The following SP4 variants were observed in gnomAD, a reference collection of about 807,000 sequenced individuals.
SP4 encodes transcription factor Sp4.
SP4 carries 19 observed loss-of-function variants against 72.8 expected under a neutral mutation model. The observed-to-expected ratio is 0.26, with a 90% CI of 0.18 to 0.38. The LOEUF (loss-of-function observed/expected upper bound fraction) is 0.38. Ranked by LOEUF, SP4 falls within the 10% of genes least tolerant of loss-of-function variation. The pLI is 1.00. For synonymous variants in SP4, 395 were observed against 333.1 expected (o/e 1.19, Z -2.02); for missense variants, 1,008 against 926.3 (o/e 1.09, Z -1.14).
At chr7:21,494,051 C>A (rs1280690540) in intron 5 of SP4, among the ~76,000 whole-genome samples, 4 of 152,130 alleles carry the variant, frequency 2.6e-5, no homozygotes. Flanking sequence ...AATCACATGA[C>A]AGCAAACACA....
chr7:21,466,453 C>A (rs1450393311), intron 3 of SP4, among the ~76,000 whole-genome samples: 1 of 152,208 alleles, frequency 6.6e-6, no homozygotes, highest in Non-Finnish European at 1.5e-5. Flanking sequence ...TCAACTCCCA[C>A]AGCTCCCAGG....
At chr7:21,471,673 G>T (rs1186829583) in intron 3 of SP4, among the ~76,000 whole-genome samples, 1 of 151,818 alleles carries the variant, frequency 6.6e-6, no homozygotes, top group African/African-American at 2.4e-5. Context: ...ATCTCTAAAA[G>T]AATTTTAAAA....
intron 4 of SP4, among the ~76,000 whole-genome samples, chr7:21,479,973 G>A (rs538700614): frequency 7.9e-6 from 1 of 126,856 alleles, no homozygotes; most frequent in South Asian, 2.7e-4. Context: ...TTTTTGATTA[G>A]TTATAACAGT....
In SP4 at chr7:21,429,591, A is replaced by G. The variant is rs1782762573; in HGVS notation, c.426A>G (p.Ser142=). 35 of 1,614,196 alleles carry G rather than the reference A, an allele frequency of 2.2e-5. No homozygotes were observed. Among genetic ancestry groups the G allele is most frequent in the Non-Finnish European group, 3.0e-5 (35 of 1,180,012 alleles). ...GTGCATCTCCTACAAAAACTAAATC[A>G]GGTAATTCTTCCACCCCTGGTCAAT... ...NGSASPTKTK[S]GNSSTPGQFQ... is the part of the protein sequence containing the mutation. Residue 142 remains serine, a synonymous_variant, in exon 3 of 6, where the codon TCA becomes TCG. Transcript: ENST00000222584.
chr7:21,483,889 T>G (rs999167780), intron 5 of SP4, among the ~76,000 whole-genome samples: 14 of 151,940 alleles, frequency 9.2e-5, no homozygotes, highest in African/African-American at 3.4e-4. Flanking sequence ...TTTCAATAAA[T>G]TATTGAATTA....
At chr7:21,498,916 TA>T (rs909544902) in intron 5 of SP4, among the ~76,000 whole-genome samples, 1 of 149,658 alleles carries the variant, frequency 6.7e-6, no homozygotes. Flanking sequence ...AAACCCTGTC[TA>T]AAAAAAAATA....
intron 5 of SP4, among the ~76,000 whole-genome samples, chr7:21,509,203 T>G (rs116876197): frequency 1.3e-5 from 2 of 152,146 alleles, no homozygotes; most frequent in Non-Finnish European, 2.9e-5. Flanking sequence ...TCTCCATTAA[T>G]TATATGTAGG....
chr7:21,506,223 C>G (rs1354446815), intron 5 of SP4, among the ~76,000 whole-genome samples: 1 of 152,112 alleles, frequency 6.6e-6, no homozygotes, highest in African/African-American at 2.4e-5. Context: ...GTTCTGTAGC[C>G]CTTGGTTGGT....
intron 5 of SP4, among the ~76,000 whole-genome samples, chr7:21,509,883 GT>G (rs1351378211): frequency 1.3e-5 from 2 of 152,124 alleles, no homozygotes; most frequent in Admixed American, 1.3e-4. Flanking sequence ...AAAGAAAGAG[GT>G]TTAATTGGAC....
chr7:21,492,868 A>G (rs1393110994), intron 5 of SP4, among the ~76,000 whole-genome samples: 1 of 152,200 alleles, frequency 6.6e-6, no homozygotes, highest in Non-Finnish European at 1.5e-5. Context: ...ACAGAGGTAG[A>G]CCATATTCTG....
chr7:21,482,809 G>C (rs547243726), intron 5 of SP4: 8 of 952,088 alleles, frequency 8.4e-6, no homozygotes, highest in Admixed American at 6.2e-5. Context: ...CTTGTTTTGA[G>C]ATCTGTTTGT....
intron 3 of SP4, among the ~76,000 whole-genome samples, chr7:21,471,825 C>T (rs1784354604): frequency 6.6e-6 from 1 of 152,146 alleles, no homozygotes; most frequent in Non-Finnish European, 1.5e-5. Context: ...GAGAGCAAGA[C>T]TCCATTTATT....
At chr7:21,492,260 G>T (rs1422752878) in intron 5 of SP4, among the ~76,000 whole-genome samples, 1 of 152,048 alleles carries the variant, frequency 6.6e-6, no homozygotes, top group South Asian at 2.1e-4. Context: ...AGAGAGGGTG[G>T]GTGGAGATAC....
intron 5 of SP4, among the ~76,000 whole-genome samples, chr7:21,507,534 TTTC>T (rs1782029682): frequency 6.6e-6 from 1 of 152,292 alleles, no homozygotes; most frequent in East Asian, 1.9e-4. Flanking sequence ...CTAGGCTCTT[TTTC>T]TTCTTCTTTA....
At chr7:21,485,406 C>T (rs896277835) in intron 5 of SP4, among the ~76,000 whole-genome samples, 17 of 152,034 alleles carry the variant, frequency 1.1e-4, no homozygotes, top group African/African-American at 3.6e-4. Context: ...GAAAAGTTTA[C>T]TGTAATAAGG....
At chr7:21,461,149 AC>A (rs1264826673) in intron 3 of SP4, among the ~76,000 whole-genome samples, 1 of 152,176 alleles carries the variant, frequency 6.6e-6, no homozygotes, top group Non-Finnish European at 1.5e-5. Context: ...TGGATTTCGC[AC>A]CAGGGCTGCA....
chr7:21,432,070 A>G (rs908580242), intron 3 of SP4, among the ~76,000 whole-genome samples: 8 of 152,204 alleles, frequency 5.3e-5, no homozygotes, highest in African/African-American at 1.9e-4. Context: ...GGAAATGTTT[A>G]TGTTTTCTAT....
At chr7:21,437,020 A>G (rs536113744) in intron 3 of SP4, among the ~76,000 whole-genome samples, 1 of 152,322 alleles carries the variant, frequency 6.6e-6, no homozygotes, top group South Asian at 2.1e-4. Flanking sequence ...CAAGATGATA[A>G]AAATGGATGT....
intron 5 of SP4, among the ~76,000 whole-genome samples, chr7:21,503,108 G>C (rs1259872494): frequency 6.6e-6 from 1 of 152,102 alleles, no homozygotes; most frequent in Non-Finnish European, 1.5e-5. Flanking sequence ...GGTGGAGCTT[G>C]TCTTCTTTCC....
Sources: allele counts gnomAD v4.1 joint callset (sites outside exome capture counted in the v4.1 genomes callset), GRCh38; gene constraint gnomAD v4.1.1; transcripts MANE v1.5; gene names NCBI Gene and HGNC (gene_info 2026-07-23, HGNC 2026-07-21).